Variants in B4GALT1 observed in about 807,000 individuals in gnomAD.
B4GALT1 encodes the protein beta-1,4-galactosyltransferase 1.
B4GALT1 carries 16 observed loss-of-function variants against 34.9 expected under a neutral mutation model. The ratio of observed to expected loss-of-function variants is 0.46; its 90% CI spans 0.31 to 0.70. The LOEUF (loss-of-function observed/expected upper bound fraction) is 0.70. Among genes scored for constraint, B4GALT1 ranks in the 30% least tolerant of loss-of-function variants. The pLI is 0.05. For synonymous variants in B4GALT1, 221 were observed against 218.1 expected (o/e 1.01, Z -0.12); for missense variants, 445 against 530.5 (o/e 0.84, Z 1.58).
downstream of B4GALT1, among the ~76,000 whole-genome samples, chr9:33,107,937 C>T (rs2117975190): frequency 6.6e-6 from 1 of 152,240 alleles, no homozygotes; most frequent in East Asian, 1.9e-4. Context: ...GTTTACTCAC[C>T]CAGCTGCCAC....
intron 2 of B4GALT1, among the ~76,000 whole-genome samples, chr9:33,133,054 CACT>C (rs2118143537): frequency 6.6e-6 from 1 of 152,218 alleles, no homozygotes; most frequent in East Asian, 1.9e-4. Context: ...AGCCGCCCAC[CACT>C]ATGTCCAGCT....
At chr9:33,138,302 T>A (rs549249826) in intron 1 of B4GALT1, among the ~76,000 whole-genome samples, 1 of 152,142 alleles carries the variant, frequency 6.6e-6, no homozygotes, top group African/African-American at 2.4e-5. Flanking sequence ...TGAGAGTGGA[T>A]AGTACAGCCA....
At chr9:33,160,709 T>C (rs1361650655) in intron 1 of B4GALT1, among the ~76,000 whole-genome samples, 1 of 152,160 alleles carries the variant, frequency 6.6e-6, no homozygotes, top group Admixed American at 6.5e-5. Context: ...GAGGCTGCAG[T>C]GAGCCGTGAT....
At chr9:33,155,366 G>A (rs1177736703) in intron 1 of B4GALT1, among the ~76,000 whole-genome samples, 1 of 152,132 alleles carries the variant, frequency 6.6e-6, no homozygotes, top group African/African-American at 2.4e-5. Context: ...GACTGAGCCC[G>A]CCTACATCTA....
downstream of B4GALT1, among the ~76,000 whole-genome samples, chr9:33,107,468 A>G (rs1177596817): frequency 6.6e-6 from 1 of 152,096 alleles, no homozygotes; most frequent in Non-Finnish European, 1.5e-5. Context: ...GAGAGCAGCA[A>G]ACATGTCTCG....
chr9:33,118,688 GA>G (rs886575281), intron 3 of B4GALT1, among the ~76,000 whole-genome samples: 13 of 151,322 alleles, frequency 8.6e-5, no homozygotes, highest in African/African-American at 2.7e-4. Context: ...AAAAGAAAAA[GA>G]AAAAAAGTTG....
intron 1 of B4GALT1, among the ~76,000 whole-genome samples, chr9:33,142,082 A>G (rs1387585258): frequency 6.6e-6 from 1 of 152,032 alleles, no homozygotes; most frequent in African/African-American, 2.4e-5. Flanking sequence ...TCCTGGGTTC[A>G]AGCGATTCTC....
chr9:33,157,513 CAT>C (rs1323775820), intron 1 of B4GALT1, among the ~76,000 whole-genome samples: 1 of 152,160 alleles, frequency 6.6e-6, no homozygotes, highest in Non-Finnish European at 1.5e-5. Flanking sequence ...TCATAAACAA[CAT>C]AACATTTTAT....
chr9:33,106,713 T>A (rs1839799383), downstream of B4GALT1, among the ~76,000 whole-genome samples: 1 of 152,178 alleles, frequency 6.6e-6, no homozygotes, highest in Non-Finnish European at 1.5e-5. Flanking sequence ...GTGATCCTGC[T>A]GCTTTTACAA....
At position 33,161,021 on chromosome 9, in the gene B4GALT1, TTC is replaced by T. The variant is rs35401344; in HGVS notation, c.412+5735_412+5736del. Among the ~76,000 whole-genome samples, 603 of 148,794 alleles carry T rather than the reference TTC, an allele frequency of 4.1e-3. 1 individual carries two copies. Among genetic ancestry groups the T allele is most frequent in the African/African-American group, 9.8e-3 (395 of 40,492 alleles). On this transcript the variant is annotated intron_variant, in intron 1 of 5. Transcript: ENST00000379731. ...CCCAACATCTCTGTGAGGCAAGTCA[TTC>T]TCTCTCTCTCTCTCTCTCTCTCTGC...
chr9:33,145,531 G>C (rs930579767), intron 1 of B4GALT1, among the ~76,000 whole-genome samples: 43 of 152,196 alleles, frequency 2.8e-4, no homozygotes, highest in Non-Finnish European at 4.4e-5. Flanking sequence ...CAAAGGGCCA[G>C]GATCCACCTC....
chr9:33,178,679 C>T, the B4GALT1 span, among the ~76,000 whole-genome samples: 1 of 152,196 alleles, frequency 6.6e-6, no homozygotes, highest in Non-Finnish European at 1.5e-5. Context: ...GATATGTCTA[C>T]AGTCTGTTGG....
chr9:33,159,481 A>G (rs963815650), intron 1 of B4GALT1, among the ~76,000 whole-genome samples: 14 of 152,162 alleles, frequency 9.2e-5, no homozygotes, highest in African/African-American at 3.4e-4. Flanking sequence ...TGCTCCTCAG[A>G]GAGAATTTAT....
chr9:33,135,890 A>AGAGAGTGTGTGTGT (rs1554686806), intron 1 of B4GALT1, among the ~76,000 whole-genome samples: 2 of 104,046 alleles, frequency 1.9e-5, no homozygotes, highest in African/African-American at 6.7e-5. Flanking sequence ...TAACTGGGGA[A>AGAGAGTGTGTGTGT]GTGTGTGTGT....
At chr9:33,145,698 T>A (rs1840415286) in intron 1 of B4GALT1, among the ~76,000 whole-genome samples, 1 of 152,120 alleles carries the variant, frequency 6.6e-6, no homozygotes, top group East Asian at 1.9e-4. Flanking sequence ...TGTCCTAACT[T>A]CCCCTTAAAT....
chr9:33,130,820 C>T (rs896518140), intron 2 of B4GALT1, among the ~76,000 whole-genome samples: 1 of 151,968 alleles, frequency 6.6e-6, no homozygotes, highest in East Asian at 1.9e-4. Flanking sequence ...GGTCCTGATG[C>T]GGGCCCTGAG....
In B4GALT1 at chr9:33,135,440, G is replaced by C. The variant is rs372184422; in HGVS notation, c.413-16C>G. The C allele has an allele frequency of 1.3e-5, 21 of 1,612,578 alleles. No homozygotes were observed. Among genetic ancestry groups the C allele is most frequent in the Middle Eastern group, 1.7e-4 (1 of 6,016 alleles). On this transcript the variant is annotated splice_polypyrimidine_tract_variant and intron_variant, in intron 1 of 5. Coordinates refer to ENST00000379731, the MANE Select transcript of B4GALT1 (RefSeq NM_001497.4). ...ATGGGGCCCACTAGAGAGGTGGAGGGAGGGAGAAGTTAGCAGGCCACAGGA... is the reference window on the plus strand; with the variant it reads ...ATGGGGCCCACTAGAGAGGTGGAGGCAGGGAGAAGTTAGCAGGCCACAGGA...
chr9:33,164,736 C>T lies in B4GALT1; in HGVS notation c.412+2022G>A, dbSNP rs567553907. Among the ~76,000 whole-genome samples, 88 of 152,266 alleles carry T rather than the reference C, an allele frequency of 5.8e-4. 1 individual carries two copies. Among genetic ancestry groups the T allele is most frequent in the South Asian group, 5.6e-3 (27 of 4,826 alleles). ...TCAAATACCAATGTAATCAACTTTG[C>T]GGTACTTTTGTTTAACTTGCTAATT... On this transcript the variant is annotated intron_variant, in intron 1 of 5. Coordinates refer to ENST00000379731, the MANE Select transcript of B4GALT1 (RefSeq NM_001497.4).
At chr9:33,156,197 G>A (rs548623699) in intron 1 of B4GALT1, among the ~76,000 whole-genome samples, 1 of 151,998 alleles carries the variant, frequency 6.6e-6, no homozygotes, top group East Asian at 1.9e-4. Context: ...GCAGTGGCCT[G>A]ATGTGGGCTC....
Sources: gnomAD v4.1 joint callset for allele counts (sites outside exome capture counted in the v4.1 genomes callset) on GRCh38, gnomAD v4.1.1 for gene constraint, MANE v1.5 for transcripts, NCBI Gene and HGNC (gene_info 2026-07-23, HGNC 2026-07-21) for gene names.